CECR2: variants seen among roughly 807,000 people sequenced by gnomAD.
CECR2 encodes the protein CECR2 histone acetyl-lysine reader.
A neutral mutation model predicts 154.5 loss-of-function variants in CECR2; 30 were observed. The observed-to-expected ratio is 0.19, with a 90% CI of 0.15 to 0.26. The LOEUF (loss-of-function observed/expected upper bound fraction) is 0.26, where lower values mean the gene tolerates loss of function less well. CECR2 is among the 10% of genes least tolerant of loss of function. The probability of loss-of-function intolerance (pLI) is 1.00; values close to 1 mark genes in which losing one functional copy is unlikely to be tolerated. For synonymous variants in CECR2, 725 were observed against 683.7 expected (o/e 1.06, Z -0.94); for missense variants, 1,743 against 1,829.3 (o/e 0.95, Z 0.86).
chr22:17,466,687 C>T (rs867892307), intron 1 of CECR2, among the ~76,000 whole-genome samples: 1 of 151,660 alleles, frequency 6.6e-6, no homozygotes, highest in Non-Finnish European at 1.5e-5. Context: ...CTGCACCTCC[C>T]GGGTTCAAGC....
rs552986116 is a variant in CECR2 at position 17,360,600 on chromosome 22, C to T, written c.-364+577C>T. Among the ~76,000 whole-genome samples the T allele has an allele frequency of 2.6e-5, 4 of 152,104 alleles. No homozygotes were observed. The South Asian group carries it at 8.3e-4, about 32-fold the overall frequency. ...GCTAAGACAGGAGAATCACTTTAAC[C>T]TGGAAGGCAGAGGTTGCAGTGAACC... On this transcript the variant is annotated intron_variant, in intron 1 of 18. Transcript: ENST00000400585.
At chr22:17,491,616 C>G (rs997428328) in intron 2 of CECR2, among the ~76,000 whole-genome samples, 1 of 145,874 alleles carries the variant, frequency 6.9e-6, no homozygotes, top group African/African-American at 2.5e-5. Flanking sequence ...GTAGGGCAAA[C>G]AATATATATC....
intron 1 of CECR2, among the ~76,000 whole-genome samples, chr22:17,435,705 AAAAAAC>A (rs1484387742): frequency 1.6e-4 from 24 of 147,114 alleles, no homozygotes; most frequent in African/African-American, 5.6e-4. Flanking sequence ...AAAAAAAAAA[AAAAAAC>A]AGGAGCAGGA....
intron 2 of CECR2, among the ~76,000 whole-genome samples, chr22:17,482,284 C>T (rs1249333565): frequency 2.7e-5 from 4 of 149,574 alleles, no homozygotes; most frequent in Admixed American, 2.0e-4. Flanking sequence ...ATTAGCCGGG[C>T]GTGGTGGCAG....
intron 1 of CECR2, among the ~76,000 whole-genome samples, chr22:17,406,397 C>T (rs545135861): frequency 6.6e-6 from 1 of 152,270 alleles, no homozygotes; most frequent in African/African-American, 2.4e-5. Context: ...GTGGCACACG[C>T]CTGTAATCCC....
At chr22:17,401,229 C>G (rs1442881045) in intron 1 of CECR2, among the ~76,000 whole-genome samples, 1 of 152,084 alleles carries the variant, frequency 6.6e-6, no homozygotes, top group Non-Finnish European at 1.5e-5. Context: ...ATGGATTAGT[C>G]TATTTATTCA....
At chr22:17,468,209 A>C (rs958361726) in intron 1 of CECR2, among the ~76,000 whole-genome samples, 2 of 152,190 alleles carry the variant, frequency 1.3e-5, no homozygotes, top group African/African-American at 2.4e-5. Context: ...AAAATAAGTA[A>C]TATGTGGGCT....
intron 8 of CECR2, among the ~76,000 whole-genome samples, chr22:17,523,599 A>G (rs2056196116): frequency 6.6e-6 from 1 of 151,280 alleles, no homozygotes; most frequent in East Asian, 2.0e-4. Flanking sequence ...AAGTGAAAAT[A>G]CAAAAAATTA....
intron 9 of CECR2, among the ~76,000 whole-genome samples, chr22:17,532,883 A>AT (rs1255096429): frequency 4.0e-5 from 6 of 150,382 alleles, no homozygotes; most frequent in African/African-American, 4.9e-5. Flanking sequence ...ACGCCTGGCA[A>AT]TTTTTTTTGT....
At chr22:17,444,289 G>C (rs1218570822) in intron 1 of CECR2, among the ~76,000 whole-genome samples, 1 of 152,140 alleles carries the variant, frequency 6.6e-6, no homozygotes, top group Non-Finnish European at 1.5e-5. Context: ...GGTGACATAT[G>C]AATAAGCAAC....
At chr22:17,386,409 A>G (rs1395347673) in intron 1 of CECR2, among the ~76,000 whole-genome samples, 1 of 152,198 alleles carries the variant, frequency 6.6e-6, no homozygotes, top group Non-Finnish European at 1.5e-5. Flanking sequence ...TTGTAACAAG[A>G]AGAAGTTAAA....
chr22:17,424,456 T>C, intron 1 of CECR2: 1 of 161,638 alleles, frequency 6.2e-6, no homozygotes, highest in African/African-American at 2.4e-5. Flanking sequence ...TCACAGACCC[T>C]GGCAGCAGTC....
chr22:17,394,493 A>C (rs1373415260), intron 1 of CECR2, among the ~76,000 whole-genome samples: 1 of 151,840 alleles, frequency 6.6e-6, no homozygotes, highest in African/African-American at 2.4e-5. Context: ...GAACCACCAC[A>C]CCCAGCCTAG....
At chr22:17,389,705 G>GCAACCT (rs1464891342) in intron 1 of CECR2, among the ~76,000 whole-genome samples, 1 of 152,068 alleles carries the variant, frequency 6.6e-6, no homozygotes, top group East Asian at 1.9e-4. Flanking sequence ...TTGGCTCACT[G>GCAACCT]CAACCTCCGC....
At chr22:17,464,997 A>ATT (rs71770620) in intron 1 of CECR2, among the ~76,000 whole-genome samples, 1,558 of 140,910 alleles carry the variant, frequency 0.011, 25 homozygotes, top group Middle Eastern at 0.023. Context: ...CAATATTTAA[A>ATT]TTTTTTTTTT....
chr22:17,456,082 G>A (rs2146715295), intron 1 of CECR2, among the ~76,000 whole-genome samples: 1 of 152,212 alleles, frequency 6.6e-6, no homozygotes, highest in East Asian at 1.9e-4. Flanking sequence ...TTTAATCCCT[G>A]TGATGCATGG....
At chr22:17,396,283 G>T (rs2053809741) in intron 1 of CECR2, among the ~76,000 whole-genome samples, 1 of 150,634 alleles carries the variant, frequency 6.6e-6, no homozygotes, top group South Asian at 2.1e-4. Flanking sequence ...TGTGGCTCAC[G>T]CCTGTAATCC....
At chr22:17,512,669 C>T (rs528286598) in intron 8 of CECR2, among the ~76,000 whole-genome samples, 2 of 147,504 alleles carry the variant, frequency 1.4e-5, no homozygotes. Flanking sequence ...CACCACTGCA[C>T]TCCAGCCTGG....
At position 17,539,010 on chromosome 22, in the gene CECR2, C is replaced by T; in HGVS notation, c.1386C>T (p.Ser462=). ...TCGTTTAGGCCCCCATGGATATTTCCAGCATGGAGAAGAAACTGAATGGAG... is the reference window on the plus strand; with the variant it reads ...TCGTTTAGGCCCCCATGGATATTTCTAGCATGGAGAAGAAACTGAATGGAG... ...YQIIKAPMDI[S]SMEKKLNGGL... The change falls in exon 13 of 19, where the codon TCC becomes TCT. Residue 462 remains serine (S), a synonymous_variant. Coordinates refer to ENST00000262608, the MANE Select transcript of CECR2 (RefSeq NM_001290047.2). The T allele has an allele frequency of 6.2e-7, 1 of 1,613,594 alleles. No individual in the cohort carries two copies. Among genetic ancestry groups the T allele is most frequent in the Non-Finnish European group, 8.5e-7 (1 of 1,179,728 alleles).
Sources: allele counts gnomAD v4.1 joint callset (sites outside exome capture counted in the v4.1 genomes callset), GRCh38; gene constraint gnomAD v4.1.1; transcripts MANE v1.5; gene names NCBI Gene and HGNC (gene_info 2026-07-23, HGNC 2026-07-21).